The following SEPTIN2 variants were observed in gnomAD, a reference collection of about 807,000 sequenced individuals.
SEPTIN2 encodes the protein septin-2.
Under a neutral mutation model 46.5 loss-of-function variants are expected in SEPTIN2, and 34 were observed. The observed-to-expected ratio is 0.73, with a 90% CI of 0.56 to 0.97. SEPTIN2 has a LOEUF of 0.97. Ranked by LOEUF, SEPTIN2 falls within the 50% of genes least tolerant of loss-of-function variation. The probability of loss-of-function intolerance (pLI) is 0.00; values close to 1 mark genes in which losing one functional copy is unlikely to be tolerated. For synonymous variants in SEPTIN2, 175 were observed against 153.4 expected (o/e 1.14, Z -1.04); for missense variants, 347 against 448.4 (o/e 0.77, Z 2.04).
intron 3 of SEPTIN2, among the ~76,000 whole-genome samples, chr2:241,330,186 T>A (rs1346021715): frequency 6.6e-6 from 1 of 152,174 alleles, no homozygotes; most frequent in Non-Finnish European, 1.5e-5. Flanking sequence ...CACTGAGTCC[T>A]GCTATGATGC....
intron 3 of SEPTIN2, among the ~76,000 whole-genome samples, chr2:241,329,737 C>T (rs985533118): frequency 3.3e-5 from 5 of 152,128 alleles, no homozygotes; most frequent in Admixed American, 2.6e-4. Flanking sequence ...CTGGCTGGAA[C>T]GGTACCTCAC....
At position 241,328,182 on chromosome 2, in the gene SEPTIN2, C is replaced by G. The variant is rs576758832; in HGVS notation, c.130+2069C>G. ...GGGCGTGATGGCTCATGCCTGTAAT[C>G]CCAGCACTCTGGGAGGCCAGAGCGG... On this transcript the variant is annotated intron_variant, in intron 3 of 12. Coordinates refer to ENST00000391971, the MANE Select transcript of SEPTIN2 (RefSeq NM_004404.5). Among the ~76,000 whole-genome samples the G allele has an allele frequency of 2.0e-5, 3 of 152,344 alleles. No individual in the cohort carries two copies. In the East Asian group the frequency reaches 5.8e-4, roughly 29 times the overall value.
rs918324671 is a variant in SEPTIN2, at chr2:241,336,133, T to C, written c.341+35T>C. The C allele has an allele frequency of 5.0e-6, 8 of 1,601,992 alleles. No individual in the cohort carries two copies. In the African/African-American group the frequency reaches 9.4e-5, roughly 19 times the overall value. ...CCCATGCCCAGGGATCTGCATTTGT[T>C]TACTTAATATACTTCATAAATTTAT... On this transcript the variant is annotated intron_variant, in intron 5 of 12. Transcript: ENST00000391971.
At chr2:241,350,022 G>A in intron 11 of SEPTIN2, 51 bp from the exon 12 acceptor site, 1 of 1,561,434 alleles carries the variant, frequency 6.4e-7, no homozygotes, top group Non-Finnish European at 8.8e-7. Context: ...CAGAAATAAT[G>A]TTCAAAGACA....
At chr2:241,335,811 C>G (rs562578108) in intron 4 of SEPTIN2, 164 bp from the exon 5 acceptor site, 1 of 795,366 alleles carries the variant, frequency 1.3e-6, no homozygotes, top group South Asian at 1.7e-5. Flanking sequence ...TTAACCTTCC[C>G]CTTTCTGACT....
At chr2:241,348,032 G>T in intron 10 of SEPTIN2, 102 bp from the exon 11 acceptor site, 1 of 890,934 alleles carries the variant, frequency 1.1e-6, no homozygotes, top group South Asian at 1.5e-5. Context: ...AAAGAGAAAT[G>T]ATAAATACAT....
chr2:241,332,405 A>G (rs2079146578), intron 3 of SEPTIN2, among the ~76,000 whole-genome samples: 2 of 152,250 alleles, frequency 1.3e-5, no homozygotes, highest in Admixed American at 1.3e-4. Flanking sequence ...CAAATAGCCA[A>G]TAAACCCACA....
At chr2:241,350,282 T>G in intron 12 of SEPTIN2, 79 bp downstream of exon 12, 2 of 711,146 alleles carry the variant, frequency 2.8e-6, no homozygotes, top group Non-Finnish European at 4.3e-6. Flanking sequence ...GGTTCCTCCT[T>G]AAGCCTCATT....
chr2:241,349,687 G>A (rs1468951718), intron 11 of SEPTIN2, among the ~76,000 whole-genome samples: 1 of 152,028 alleles, frequency 6.6e-6, no homozygotes, highest in African/African-American at 2.4e-5. Context: ...TGGGCGTGGT[G>A]GTGTGTGCCT....
At chr2:241,335,602 A>G in intron 4 of SEPTIN2, 6 of 588,014 alleles carry the variant, frequency 1.0e-5, no homozygotes, top group South Asian at 8.4e-5. Flanking sequence ...AGCATCCACA[A>G]ATGACTGTTG....
chr2:241,316,385 C>T (rs1367133925), intron 1 of SEPTIN2: 4 of 926,384 alleles, frequency 4.3e-6, no homozygotes, highest in South Asian at 3.6e-5. Flanking sequence ...CTTGTGTGGC[C>T]ATCTTGTCTT....
At chr2:241,343,130 C>G (rs773199065) in intron 8 of SEPTIN2, 37 bp downstream of exon 8, 2 of 1,123,580 alleles carry the variant, frequency 1.8e-6, no homozygotes, top group African/African-American at 1.5e-5. Flanking sequence ...ATAAATAACT[C>G]CTGTTTACTG....
chr2:241,333,998 A>G (rs2079478190), intron 3 of SEPTIN2, among the ~76,000 whole-genome samples: 1 of 152,084 alleles, frequency 6.6e-6, no homozygotes, highest in Non-Finnish European at 1.5e-5. Context: ...CTCTAGGTAC[A>G]AGCCACAACA....
At chr2:241,322,236 G>A (rs747657804) in intron 1 of SEPTIN2, among the ~76,000 whole-genome samples, 14 of 152,004 alleles carry the variant, frequency 9.2e-5, no homozygotes, top group Non-Finnish European at 1.8e-4. Context: ...ATCTTTCTTG[G>A]GGTTGTTACT....
chr2:241,318,852 C>G (rs932579497), intron 1 of SEPTIN2, among the ~76,000 whole-genome samples: 21 of 152,010 alleles, frequency 1.4e-4, no homozygotes, highest in African/African-American at 4.8e-4. Context: ...CAGGCGCCAC[C>G]ACACCTGGCT....
intron 11 of SEPTIN2, among the ~76,000 whole-genome samples, chr2:241,349,752 C>T (rs1327736437): frequency 2.6e-5 from 4 of 152,126 alleles, no homozygotes; most frequent in Non-Finnish European, 5.9e-5. Context: ...ACCCGGGAGG[C>T]GGAGGTAGCA....
chr2:241,339,289 A>G, intron 7 of SEPTIN2, among the ~76,000 whole-genome samples: 1 of 151,170 alleles, frequency 6.6e-6, no homozygotes. Context: ...GCCACTCAGG[A>G]GGCTGAAGCA....
chr2:241,348,491 A>G (rs750060532), intron 11 of SEPTIN2, among the ~76,000 whole-genome samples: 12 of 152,164 alleles, frequency 7.9e-5, no homozygotes, highest in Non-Finnish European at 1.6e-4. Flanking sequence ...TTGGCCTCCC[A>G]AAGTGCTGGG....
At chr2:241,325,915 T>G in intron 2 of SEPTIN2, 78 bp from the exon 3 acceptor site, 2 of 1,387,318 alleles carry the variant, frequency 1.4e-6, no homozygotes, top group Non-Finnish European at 2.0e-6. Context: ...CCTATGTTTG[T>G]TTCATGTCTA....
Sources: allele counts gnomAD v4.1 joint callset (sites outside exome capture counted in the v4.1 genomes callset), GRCh38; gene constraint gnomAD v4.1.1; transcripts MANE v1.5; gene names NCBI Gene and HGNC (gene_info 2026-07-23, HGNC 2026-07-21).